Variants in EML4 observed in about 807,000 individuals in gnomAD.
The protein encoded by EML4 is EMAP like 4.
Under a neutral mutation model 129.0 loss-of-function variants are expected in EML4, and 72 were observed. That is an observed-to-expected ratio of 0.56 (90% CI 0.46 to 0.68). EML4 has a LOEUF of 0.68. EML4 is among the 30% of genes least tolerant of loss of function. EML4 has a pLI of 0.00. For synonymous variants in EML4, 532 were observed against 405.0 expected (o/e 1.31, Z -3.77); for missense variants, 1,363 against 1,190.6 (o/e 1.14, Z -2.13).
intron 1 of EML4, among the ~76,000 whole-genome samples, chr2:42,225,321 A>G (rs1217652433): frequency 1.3e-5 from 2 of 152,108 alleles, no homozygotes; most frequent in Non-Finnish European, 2.9e-5. Context: ...TTTTGAGGAA[A>G]TGCCCACTGT....
intron 1 of EML4, among the ~76,000 whole-genome samples, chr2:42,243,399 A>T (rs891643831): frequency 6.6e-5 from 10 of 150,444 alleles, no homozygotes; most frequent in African/African-American, 2.2e-4. Context: ...CGAGAGACTG[A>T]ATTGTTCTTA....
chr2:42,257,349 T>C (rs897539312), intron 3 of EML4, among the ~76,000 whole-genome samples: 2 of 152,228 alleles, frequency 1.3e-5, no homozygotes, highest in East Asian at 3.8e-4. Flanking sequence ...TAAAACCGTT[T>C]TCTTCAAAGA....
intron 6 of EML4, among the ~76,000 whole-genome samples, chr2:42,266,223 G>T (rs972723799): frequency 6.6e-6 from 1 of 152,034 alleles, no homozygotes; most frequent in East Asian, 1.9e-4. Flanking sequence ...GAATTTTGCT[G>T]GCATTCTTCT....
chr2:42,247,298 G>C (rs558957237), intron 2 of EML4, among the ~76,000 whole-genome samples: 107 of 152,258 alleles, frequency 7.0e-4, no homozygotes, highest in African/African-American at 2.3e-3. Flanking sequence ...AAGATAGGTC[G>C]TCAGTGGTAG....
intron 1 of EML4, among the ~76,000 whole-genome samples, chr2:42,232,717 G>GTTTTGT (rs1181689481): frequency 2.6e-5 from 4 of 151,878 alleles, no homozygotes; most frequent in Admixed American, 2.6e-4. Flanking sequence ...AGGCCTTTTT[G>GTTTTGT]TTTTGTTTTT....
Position 42,169,656 on chromosome 2 carries a change from C to G in EML4, c.25+20C>G. 2 of 1,599,816 alleles carry G rather than the reference C, an allele frequency of 1.3e-6. No homozygotes were observed. The highest frequency in any genetic ancestry group is 1.7e-6 in the Non-Finnish European group (2 of 1,173,486). The stretch of plus-strand genomic sequence containing the variant: ...GTCTCGGTGAGTACGGCTGGGGAGT[C>G]CTGCGTCTTCTGCGAAGGGTAGGAA... On this transcript the variant is annotated intron_variant, in intron 1 of 22. Transcript: ENST00000318522.
chr2:42,312,024 T>C (rs1027369625), intron 17 of EML4, among the ~76,000 whole-genome samples: 4 of 152,142 alleles, frequency 2.6e-5, no homozygotes, highest in Non-Finnish European at 5.9e-5. Flanking sequence ...TATGCACTTT[T>C]TGAAATGAAA....
intron 2 of EML4, among the ~76,000 whole-genome samples, chr2:42,248,924 A>T (rs1450802207): frequency 6.6e-6 from 1 of 152,168 alleles, no homozygotes; most frequent in Non-Finnish European, 1.5e-5. Flanking sequence ...CCAACTAATT[A>T]TGTTTCCAAT....
chr2:42,265,626 T>TA (rs1422738932), intron 6 of EML4, among the ~76,000 whole-genome samples: 1 of 152,158 alleles, frequency 6.6e-6, no homozygotes, highest in Non-Finnish European at 1.5e-5. Context: ...CAAAAAGGGA[T>TA]AAAATACTAG....
At chr2:42,274,127 GA>G (rs1338572716) in intron 6 of EML4, among the ~76,000 whole-genome samples, 1 of 152,070 alleles carries the variant, frequency 6.6e-6, no homozygotes, top group East Asian at 1.9e-4. Flanking sequence ...GATAGTATCA[GA>G]AAAAAGGCTC....
chr2:42,271,282 G>C (rs543014190), intron 6 of EML4, among the ~76,000 whole-genome samples: 2 of 152,268 alleles, frequency 1.3e-5, no homozygotes, highest in Admixed American at 1.3e-4. Context: ...AGTATTCTCT[G>C]TATTTTTATT....
chr2:42,332,248 A>G lies in EML4; in HGVS notation c.*2041A>G, dbSNP rs763968595. On this transcript the variant is annotated 3_prime_UTR_variant, in exon 23 of 23. Transcript: ENST00000318522. The stretch of plus-strand genomic sequence containing the variant: ...GTCACCTTTGGGGTTGCCATGTACA[A>G]TGAGATTTATAATCATGATACTCTT... The G allele has an allele frequency of 4.6e-5, 10 of 215,386 alleles. No homozygotes were observed. The highest frequency in any genetic ancestry group is 6.6e-5 in the Non-Finnish European group (7 of 106,628). 13.3% of individuals were successfully genotyped at this position (215,386 alleles called of 1,614,324 possible). A position where few individuals can be genotyped will look rare whatever the true frequency, so the allele number is the denominator to read the frequency against.
chr2:42,263,001 T>G (rs1437715423), intron 4 of EML4, among the ~76,000 whole-genome samples, 177 bp from the exon 5 acceptor site: 1 of 152,216 alleles, frequency 6.6e-6, no homozygotes, highest in Non-Finnish European at 1.5e-5. Flanking sequence ...TAATACAGAT[T>G]TGGGAATTGC....
chr2:42,175,791 G>T (rs1296198034), intron 1 of EML4, among the ~76,000 whole-genome samples: 1 of 152,106 alleles, frequency 6.6e-6, no homozygotes, highest in Non-Finnish European at 1.5e-5. Context: ...GAGTCACCAT[G>T]CCCAGCATCA....
intron 4 of EML4, 54 bp from the exon 5 acceptor site, chr2:42,263,124 T>C: frequency 6.9e-7 from 1 of 1,450,220 alleles, no homozygotes; most frequent in Non-Finnish European, 9.6e-7. Flanking sequence ...AAATTGTCAG[T>C]TACATGTCTT....
In EML4 at chr2:42,192,242, T is replaced by G. The variant is rs567833214; in HGVS notation, c.25+22606T>G. On this transcript the variant is annotated intron_variant, in intron 1 of 22. Coordinates refer to ENST00000318522, the MANE Select transcript of EML4 (RefSeq NM_019063.5). ...TTTTGTTGTTTTTTTGTTTTTTTTT[T>G]TGGGGGGGGGAGGTGTAGTCTTGCT... is the stretch of plus-strand genomic sequence containing the variant. 4.6e-3 allele frequency among the ~76,000 whole-genome samples: 681 copies of G among 148,408 alleles called. 5 individuals are homozygous for G. The highest frequency in any genetic ancestry group is 0.017 in the African/African-American group (642 of 38,896).
chr2:42,267,676 T>C (rs759814852), intron 6 of EML4, among the ~76,000 whole-genome samples: 2 of 152,096 alleles, frequency 1.3e-5, no homozygotes, highest in Non-Finnish European at 2.9e-5. Flanking sequence ...TTGAAAGCAA[T>C]AGAAAGTGAA....
At chr2:42,291,616 G>C (rs1038518991) in intron 11 of EML4, among the ~76,000 whole-genome samples, 1 of 151,868 alleles carries the variant, frequency 6.6e-6, no homozygotes. Flanking sequence ...ATGTTGGCCA[G>C]GCTGGTCTCA....
At chr2:42,301,937 C>G (rs1668308807) in intron 14 of EML4, among the ~76,000 whole-genome samples, 1 of 152,086 alleles carries the variant, frequency 6.6e-6, no homozygotes, top group Non-Finnish European at 1.5e-5. Flanking sequence ...TCACTCCTTC[C>G]TTTCCCATTT....
Sources: gnomAD v4.1 joint callset for allele counts (sites outside exome capture counted in the v4.1 genomes callset) on GRCh38, gnomAD v4.1.1 for gene constraint, MANE v1.5 for transcripts, NCBI Gene and HGNC (gene_info 2026-07-23, HGNC 2026-07-21) for gene names.